SCN10A: variants seen among roughly 807,000 people sequenced by gnomAD.
The protein encoded by SCN10A is sodium channel protein type 10 subunit alpha.
SCN10A carries 162 observed loss-of-function variants against 170.7 expected under a neutral mutation model. The observed-to-expected ratio is 0.95, with a 90% CI of 0.84 to 1.08. SCN10A has a LOEUF of 1.08. SCN10A is among the 50% of genes least tolerant of loss of function. The pLI is 0.00. For synonymous variants in SCN10A, 985 were observed against 904.6 expected (o/e 1.09, Z -1.59); for missense variants, 2,527 against 2,436.9 (o/e 1.04, Z -0.78).
At position 38,709,598 on chromosome 3, in the gene SCN10A, C is replaced by T; in HGVS notation, c.4161G>A (p.Lys1387=). The change falls in exon 25 of 28, where the codon AAG becomes AAA. Residue 1387 remains lysine (K), a synonymous_variant. Coordinates refer to ENST00000449082, the MANE Select transcript of SCN10A (RefSeq NM_006514.4). The part of the protein sequence containing the change: ...VDSREVNMQP[K]WEDNVYMYLY... ...AATACATGTACACGTTGTCCTCCCA[C>T]TTGGGTTGCATGTTGACCTGTGACC... 1 of 1,606,330 alleles carries T rather than the reference C, an allele frequency of 6.2e-7. No individual in the cohort carries two copies. Among genetic ancestry groups the T allele is most frequent in the Non-Finnish European group, 8.5e-7 (1 of 1,176,404 alleles).
intron 13 of SCN10A, among the ~76,000 whole-genome samples, chr3:38,743,826 C>G (rs2063658837): frequency 6.6e-6 from 1 of 152,180 alleles, no homozygotes; most frequent in South Asian, 2.1e-4. Context: ...AAAACCATCT[C>G]TATGCCAATT....
rs191624001 is a variant in SCN10A, at chr3:38,701,981, C to G, written c.4515G>C (p.Thr1505=). The change falls in exon 27 of 28, where the codon ACG becomes ACC. Residue 1505 remains threonine (T), a synonymous_variant. Transcript: ENST00000449082. The part of the protein sequence containing the change: ...VETDDQSEEK[T]KILGKINQFF... ...ACTGGTTGATTTTGCCCAGAATTTT[C>G]GTCTTTTCTTCACTTTGGTCATCAG... 6.2e-7 allele frequency: 1 copy of G among 1,614,046 alleles called. No individual in the cohort carries two copies. Among genetic ancestry groups the G allele is most frequent in the Non-Finnish European group, 8.5e-7 (1 of 1,180,028 alleles).
chr3:38,726,275 A>G (rs979257717), intron 17 of SCN10A, among the ~76,000 whole-genome samples: 1 of 152,144 alleles, frequency 6.6e-6, no homozygotes, highest in South Asian at 2.1e-4. Flanking sequence ...GCTCTTGGAC[A>G]ACATCCTGTT....
chr3:38,814,939 G>T (rs1317459471), intron 1 of SCN10A, among the ~76,000 whole-genome samples: 1 of 152,156 alleles, frequency 6.6e-6, no homozygotes, highest in Admixed American at 6.5e-5. Flanking sequence ...TATACACGTG[G>T]TTGCTTCTCC....
intron 4 of SCN10A, among the ~76,000 whole-genome samples, chr3:38,773,056 C>A (rs1352843957): frequency 2.0e-5 from 3 of 152,016 alleles, no homozygotes; most frequent in African/African-American, 4.8e-5. Context: ...ATGAGCAAGG[C>A]CTTCAAAATT....
chr3:38,748,651 T>A (rs1377177081), intron 13 of SCN10A, among the ~76,000 whole-genome samples: 2 of 151,936 alleles, frequency 1.3e-5, no homozygotes, highest in Non-Finnish European at 2.9e-5. Flanking sequence ...CCTCTATGGG[T>A]CTCACTCATC....
At chr3:38,735,809 CT>C (rs980098644) in intron 15 of SCN10A, among the ~76,000 whole-genome samples, 1 of 152,206 alleles carries the variant, frequency 6.6e-6, no homozygotes, top group African/African-American at 2.4e-5. Flanking sequence ...TTATTTCTTC[CT>C]TTTTCCCTCC....
intron 8 of SCN10A, among the ~76,000 whole-genome samples, chr3:38,759,511 G>A (rs1397969991): frequency 6.6e-6 from 1 of 152,088 alleles, no homozygotes; most frequent in Non-Finnish European, 1.5e-5. Flanking sequence ...CACTGTGTTT[G>A]CCCAGCCTAT....
At chr3:38,715,656 A>C (rs1002468571) in intron 21 of SCN10A, among the ~76,000 whole-genome samples, 7 of 152,084 alleles carry the variant, frequency 4.6e-5, no homozygotes, top group African/African-American at 1.4e-4. Context: ...CCCACATCTA[A>C]TGCCACCTCC....
intron 1 of SCN10A, among the ~76,000 whole-genome samples, chr3:38,800,306 T>C (rs1575187121): frequency 2.0e-5 from 3 of 152,150 alleles, no homozygotes; most frequent in Non-Finnish European, 2.9e-5. Context: ...CAGGGGAGAA[T>C]TGGACTAAGA....
intron 14 of SCN10A, among the ~76,000 whole-genome samples, chr3:38,741,603 C>A (rs540381696): frequency 1.3e-5 from 2 of 152,250 alleles, no homozygotes; most frequent in East Asian, 3.9e-4. Flanking sequence ...GTTGTTGTCC[C>A]TCTGAGTCAG....
chr3:38,742,773 C>T (rs766050222), intron 13 of SCN10A, among the ~76,000 whole-genome samples: 3 of 152,322 alleles, frequency 2.0e-5, no homozygotes, highest in Middle Eastern at 3.4e-3. Flanking sequence ...TACTGCCCAT[C>T]ACCTATATCA....
intron 11 of SCN10A, among the ~76,000 whole-genome samples, chr3:38,753,035 AAGG>A (rs762987248): frequency 1.3e-5 from 2 of 152,204 alleles, no homozygotes; most frequent in Non-Finnish European, 2.9e-5. Context: ...TTGTGTTGCA[AAGG>A]AGGAGACAAG....
rs1188876408 is a variant in SCN10A at position 38,697,149 on chromosome 3, C to T, written c.*200G>A. On this transcript the variant is annotated 3_prime_UTR_variant, in exon 28 of 28. Coordinates refer to ENST00000449082, the MANE Select transcript of SCN10A (RefSeq NM_006514.4). ...CAGAAGGGAAATCACAGTGGAAGTG[C>T]TCTTAGCTTCTGACTCCTATTTGTG... 1.4e-5 allele frequency: 10 copies of T among 696,728 alleles called. No individual in the cohort carries two copies. Among genetic ancestry groups the T allele is most frequent in the Non-Finnish European group, 2.3e-5 (10 of 433,588 alleles). 43.2% of individuals were successfully genotyped at this position (696,728 alleles called of 1,614,324 possible).
intron 15 of SCN10A, among the ~76,000 whole-genome samples, chr3:38,732,870 G>A (rs906368857): frequency 6.6e-6 from 1 of 152,196 alleles, no homozygotes; most frequent in African/African-American, 2.4e-5. Context: ...TAATCCAGAA[G>A]TTTAGAGCCT....
chr3:38,744,152 G>C (rs924019839), intron 13 of SCN10A, among the ~76,000 whole-genome samples: 3 of 152,186 alleles, frequency 2.0e-5, no homozygotes, highest in African/African-American at 7.2e-5. Context: ...TGTATGTGTA[G>C]TGTGTGTATG....
Position 38,763,606 on chromosome 3 carries a change from C to A in SCN10A, c.600-10G>T, listed in dbSNP as rs772917999. 2.5e-6 allele frequency: 4 copies of A among 1,608,954 alleles called. No homozygotes were observed. The African/African-American group carries it at 4.0e-5, about 16-fold the overall frequency. On this transcript the variant is annotated splice_polypyrimidine_tract_variant and intron_variant, in intron 5 of 27. Coordinates refer to ENST00000449082, the MANE Select transcript of SCN10A (RefSeq NM_006514.4). ...TGCTGTGCCAACATATCTGTAGGAC[C>A]AGAAGTTAGTCAGCATCTCTGCAAG... is the stretch of plus-strand genomic sequence containing the variant.
chr3:38,716,010 G>A (rs552848228), intron 21 of SCN10A, among the ~76,000 whole-genome samples: 1 of 151,990 alleles, frequency 6.6e-6, no homozygotes, highest in Non-Finnish European at 1.5e-5. Context: ...TTGCATAGAG[G>A]GATGAATTAA....
intron 15 of SCN10A, among the ~76,000 whole-genome samples, chr3:38,736,361 C>CTGTGTGTGTGTG (rs68001863): frequency 0.016 from 2,242 of 139,422 alleles, 21 homozygotes; most frequent in Non-Finnish European, 0.018. Flanking sequence ...TAGGGAAACT[C>CTGTGTGTGTGTG]TGTGTGTGTG....
Sources: gnomAD v4.1 joint callset for allele counts (sites outside exome capture counted in the v4.1 genomes callset) on GRCh38, gnomAD v4.1.1 for gene constraint, MANE v1.5 for transcripts, NCBI Gene and HGNC (gene_info 2026-07-23, HGNC 2026-07-21) for gene names.